The following GSE1 variants were observed in gnomAD, a reference collection of about 807,000 sequenced individuals.
GSE1 encodes genetic suppressor element 1.
In GSE1, 32 loss-of-function variants were observed where a neutral mutation model predicts 112.6. That is an observed-to-expected ratio of 0.28 (90% CI 0.21 to 0.38). The LOEUF (loss-of-function observed/expected upper bound fraction) is 0.38, where lower values mean the gene tolerates loss of function less well. GSE1 is among the 10% of genes least tolerant of loss of function. The pLI, the probability that GSE1 is intolerant of heterozygous loss-of-function variation, is 1.00. For missense variants in GSE1, 2,348 were observed against 1,699.2 expected, an observed-to-expected ratio of 1.38 and a Z score of -6.71; for synonymous variants, 1,115 against 735.6, an observed-to-expected ratio of 1.52 and a Z score of -8.35.
At chr16:85,322,728 G>C (rs1231631727) in intron 1 of GSE1, among the ~76,000 whole-genome samples, 1 of 151,244 alleles carries the variant, frequency 6.6e-6, no homozygotes, top group Non-Finnish European at 1.5e-5. Context: ...CGATTCTCCT[G>C]CGTCAGCCTC....
At chr16:85,467,582 C>G (rs1275190807) in intron 2 of GSE1, among the ~76,000 whole-genome samples, 1 of 152,114 alleles carries the variant, frequency 6.6e-6, no homozygotes, top group African/African-American at 2.4e-5. Flanking sequence ...TTGGTTTCAT[C>G]CCCCCATCTC....
chr16:85,432,873 C>T (rs547981637), intron 2 of GSE1, among the ~76,000 whole-genome samples: 37 of 152,100 alleles, frequency 2.4e-4, no homozygotes, highest in Admixed American at 1.0e-3. Context: ...TTGCCTACCC[C>T]GGCACTCTCT....
intron 2 of GSE1, among the ~76,000 whole-genome samples, chr16:85,429,798 C>T (rs957961589): frequency 5.9e-5 from 9 of 152,242 alleles, no homozygotes; most frequent in African/African-American, 2.2e-4. Flanking sequence ...ACAGCCTCCA[C>T]ATGGCCTCCT....
chr16:85,322,192 G>A (rs1204827738), intron 1 of GSE1, among the ~76,000 whole-genome samples: 1 of 152,148 alleles, frequency 6.6e-6, no homozygotes, highest in Admixed American at 6.5e-5. Context: ...GGCTAGCTCA[G>A]TGTCACATGG....
intron 1 of GSE1, among the ~76,000 whole-genome samples, chr16:85,225,560 C>T (rs533702327): frequency 1.6e-4 from 24 of 152,288 alleles, no homozygotes; most frequent in East Asian, 9.7e-4. Context: ...CCTGTCCCTC[C>T]GCTGCCGGGT....
intron 1 of GSE1, among the ~76,000 whole-genome samples, chr16:85,315,146 G>A (rs2045960411): frequency 6.8e-6 from 1 of 147,844 alleles, no homozygotes; most frequent in South Asian, 2.3e-4. Flanking sequence ...CCTCTGAGAA[G>A]TTCTGAGGGC....
At chr16:85,243,251 A>G (rs1905301931) in intron 1 of GSE1, among the ~76,000 whole-genome samples, 1 of 152,218 alleles carries the variant, frequency 6.6e-6, no homozygotes, top group Non-Finnish European at 1.5e-5. Context: ...TGCAAGTCCA[A>G]AGTGCAAAAT....
At chr16:85,412,500 C>T (rs1482993752) in intron 2 of GSE1, among the ~76,000 whole-genome samples, 4 of 35,008 alleles carry the variant, frequency 1.1e-4, no homozygotes, top group African/African-American at 2.9e-4. Context: ...ACACTCAGGG[C>T]CCCCCTGGAT....
At chr16:85,639,422 G>T (rs549359470) in intron 2 of GSE1, among the ~76,000 whole-genome samples, 13 of 152,290 alleles carry the variant, frequency 8.5e-5, no homozygotes, top group Admixed American at 2.6e-4. Flanking sequence ...TCCCAAGACT[G>T]GGGGGATGGG....
Position 85,661,353 on chromosome 16 carries a change from C to T in GSE1, c.1848C>T (p.Arg616=). The stretch of plus-strand genomic sequence containing the variant: ...ACCCGGCTGCATTTGAGCCCAGCCG[C>T]CAGGCAGCCGTGCCGCTGGTGAAGG... ...HSHPAAFEPS[R]QAAVPLVKVE... Residue 616 remains arginine, a synonymous_variant, in exon 9 of 16, where the codon CGC becomes CGT. Coordinates refer to ENST00000253458, the MANE Select transcript of GSE1 (RefSeq NM_014615.5). 6.2e-7 allele frequency: 1 copy of T among 1,612,198 alleles called. No homozygotes were observed. Among genetic ancestry groups the T allele is most frequent in the Non-Finnish European group, 8.5e-7 (1 of 1,179,586 alleles).
intron 2 of GSE1, among the ~76,000 whole-genome samples, chr16:85,543,323 A>G (rs2044589273): frequency 6.6e-6 from 1 of 152,164 alleles, no homozygotes; most frequent in African/African-American, 2.4e-5. Context: ...TTCTATAGAG[A>G]TAGCAGAGGG....
intron 1 of GSE1, among the ~76,000 whole-genome samples, chr16:85,181,080 C>T (rs55974464): frequency 0.14 from 20,791 of 152,208 alleles, 1,623 homozygotes; most frequent in Middle Eastern, 0.24. Flanking sequence ...CGGTGAATGC[C>T]GGGCCATGTG....
chr16:85,392,282 A>G (rs1350160726), intron 2 of GSE1, among the ~76,000 whole-genome samples: 1 of 152,244 alleles, frequency 6.6e-6, no homozygotes, highest in Non-Finnish European at 1.5e-5. Flanking sequence ...GCGTCACCAG[A>G]TCCAGAAAGA....
At chr16:85,545,676 G>A (rs1400623554) in intron 2 of GSE1, among the ~76,000 whole-genome samples, 1 of 152,214 alleles carries the variant, frequency 6.6e-6, no homozygotes, top group Non-Finnish European at 1.5e-5. Context: ...ACAAGATAAT[G>A]TACTTAAAGC....
At chr16:85,637,337 C>T (rs2050085218) in intron 2 of GSE1, among the ~76,000 whole-genome samples, 1 of 152,238 alleles carries the variant, frequency 6.6e-6, no homozygotes, top group Non-Finnish European at 1.5e-5. Context: ...GCCCTTCCTG[C>T]TTCTCGTGGC....
At chr16:85,564,293 AG>A (rs1279930351) in intron 1 of GSE1, among the ~76,000 whole-genome samples, 1 of 152,138 alleles carries the variant, frequency 6.6e-6, no homozygotes, top group African/African-American at 2.4e-5. Context: ...GAACAGAAAT[AG>A]GGAAACTGCT....
chr16:85,196,002 C>T (rs930391295), intron 1 of GSE1, among the ~76,000 whole-genome samples: 4 of 152,124 alleles, frequency 2.6e-5, no homozygotes, highest in Admixed American at 6.6e-5. Flanking sequence ...GACACCCCAG[C>T]GGAGTCGGGG....
chr16:85,390,755 C>T lies in GSE1; in HGVS notation c.2464+33112C>T, dbSNP rs953377346. Among the ~76,000 whole-genome samples the T allele has an allele frequency of 4.0e-5, 6 of 149,638 alleles. 1 individual carries two copies. Among genetic ancestry groups the T allele is most frequent in the African/African-American group, 7.4e-5 (3 of 40,546 alleles). On this transcript the variant is annotated intron_variant, in intron 2 of 2. Coordinates refer to the GSE1 transcript ENST00000637419. ...CAGCTCTGGGAGCCTGGCCCCAGCCCGAACCCCGTGCTGGCCTTGCCTGCT... is the reference window on the plus strand; with the variant it reads ...CAGCTCTGGGAGCCTGGCCCCAGCCTGAACCCCGTGCTGGCCTTGCCTGCT...
chr16:85,313,947 T>TGA (rs1555560367), intron 1 of GSE1, among the ~76,000 whole-genome samples: 3 of 137,444 alleles, frequency 2.2e-5, no homozygotes, highest in Admixed American at 1.4e-4. Flanking sequence ...TGTGTGTGTG[T>TGA]GACATAGCCT....
Sources: gnomAD v4.1 joint callset for allele counts (sites outside exome capture counted in the v4.1 genomes callset) on GRCh38, gnomAD v4.1.1 for gene constraint, MANE v1.5 for transcripts, NCBI Gene and HGNC (gene_info 2026-07-23, HGNC 2026-07-21) for gene names.